The following CSTF3 variants were observed in gnomAD, a reference collection of about 807,000 sequenced individuals.
The protein encoded by CSTF3 is cleavage stimulation factor subunit 3, also known as CF-1 77 kDa subunit.
Under a neutral mutation model 105.8 loss-of-function variants are expected in CSTF3, and 29 were observed. The observed-to-expected ratio is 0.27, with a 90% CI of 0.20 to 0.37. CSTF3 has a LOEUF of 0.37. CSTF3 is among the 10% of genes least tolerant of loss of function. The probability of loss-of-function intolerance (pLI) is 1.00; values close to 1 mark genes in which losing one functional copy is unlikely to be tolerated. For synonymous variants in CSTF3, 252 were observed against 281.9 expected, an observed-to-expected ratio of 0.89 and a Z score of 1.06; for missense variants, 357 against 879.3, an observed-to-expected ratio of 0.41 and a Z score of 7.51.
At chr11:33,116,920 C>CTT (rs992534370) in intron 3 of CSTF3, among the ~76,000 whole-genome samples, 1 of 141,710 alleles carries the variant, frequency 7.1e-6, no homozygotes, top group Admixed American at 7.0e-5. Context: ...GAACAACAGA[C>CTT]TTTTTTTTTT....
intron 1 of CSTF3, among the ~76,000 whole-genome samples, chr11:33,150,470 A>T (rs1268682628): frequency 6.6e-6 from 1 of 152,206 alleles, no homozygotes; most frequent in African/African-American, 2.4e-5. Context: ...AGTAGAGCAA[A>T]AACTGGACTA....
intron 1 of CSTF3, among the ~76,000 whole-genome samples, chr11:33,159,218 G>A (rs755032145): frequency 1.3e-5 from 2 of 152,060 alleles, no homozygotes; most frequent in Non-Finnish European, 2.9e-5. Context: ...AACACTTGGG[G>A]ACACTGAGGT....
Position 33,096,817 on chromosome 11 carries a change from T to G in CSTF3, c.1272+18A>C, listed in dbSNP as rs1855227527. ...GAAGGAAGTTGTTTTATCTTTACAC[T>G]TGTATTTCAGTATTTACCTTACTAC... On this transcript the variant is annotated intron_variant, in intron 14 of 20. Coordinates refer to ENST00000323959, the MANE Select transcript of CSTF3 (RefSeq NM_001326.3). The G allele has an allele frequency of 6.3e-7, 1 of 1,593,482 alleles. No homozygotes were observed.
intron 3 of CSTF3, among the ~76,000 whole-genome samples, chr11:33,119,321 G>A (rs1289690366): frequency 1.3e-5 from 2 of 151,756 alleles, no homozygotes; most frequent in Non-Finnish European, 3.0e-5. Flanking sequence ...AATTTTCAGT[G>A]TCATCCAATG....
chr11:33,100,129 G>A (rs1307701211), intron 10 of CSTF3, among the ~76,000 whole-genome samples: 1 of 152,072 alleles, frequency 6.6e-6, no homozygotes, highest in South Asian at 2.1e-4. Context: ...GGCCAAGGCA[G>A]GCGGATCATA....
intron 1 of CSTF3, among the ~76,000 whole-genome samples, chr11:33,160,566 C>G (rs1348316867): frequency 6.6e-6 from 1 of 152,124 alleles, no homozygotes; most frequent in Admixed American, 6.5e-5. Context: ...TACTATCCTA[C>G]AAAATTCTGA....
At chr11:33,159,595 CAAAAAAAAAAAAAA>C (rs71034656) in intron 1 of CSTF3, among the ~76,000 whole-genome samples, 12 of 37,958 alleles carry the variant, frequency 3.2e-4, no homozygotes, top group Non-Finnish European at 4.4e-5. Flanking sequence ...GGCTCCATCT[CAAAAAAAAAAAAAA>C]AAAAAAAAAA....
intron 3 of CSTF3, among the ~76,000 whole-genome samples, chr11:33,126,336 A>T (rs1449197804): frequency 6.6e-6 from 1 of 151,372 alleles, no homozygotes. Flanking sequence ...TTGGCTACTC[A>T]GGAGGCTGAA....
chr11:33,095,707 G>T (rs1855214075), intron 15 of CSTF3, among the ~76,000 whole-genome samples: 2 of 151,304 alleles, frequency 1.3e-5, no homozygotes, highest in Admixed American at 6.6e-5. Context: ...TGTAGTCCCA[G>T]CTACTCCGGA....
At chr11:33,118,836 T>C (rs930195003) in intron 3 of CSTF3, among the ~76,000 whole-genome samples, 12 of 151,746 alleles carry the variant, frequency 7.9e-5, no homozygotes, top group Admixed American at 6.6e-5. Flanking sequence ...CCCTCAAACG[T>C]CTAATATTAG....
At chr11:33,154,588 C>G (rs1376371192) in intron 1 of CSTF3, among the ~76,000 whole-genome samples, 1 of 148,474 alleles carries the variant, frequency 6.7e-6, no homozygotes, top group East Asian at 2.0e-4. Context: ...CCTCCGACTC[C>G]CGGGTTCAAG....
chr11:33,103,391 T>C (rs1855297848), intron 8 of CSTF3, among the ~76,000 whole-genome samples: 1 of 152,188 alleles, frequency 6.6e-6, no homozygotes, highest in Non-Finnish European at 1.5e-5. Flanking sequence ...TGTGCTTATG[T>C]CTTATGAGCT....
chr11:33,154,845 A>G (rs953686113), intron 1 of CSTF3, among the ~76,000 whole-genome samples: 2 of 152,064 alleles, frequency 1.3e-5, no homozygotes, highest in Non-Finnish European at 2.9e-5. Flanking sequence ...TCATATGCCC[A>G]GATAATAAAG....
intron 3 of CSTF3, among the ~76,000 whole-genome samples, chr11:33,127,188 CATT>C (rs1855552266): frequency 1.3e-5 from 2 of 152,156 alleles, no homozygotes; most frequent in Admixed American, 1.3e-4. Flanking sequence ...ATCATGCAGA[CATT>C]ATGCACAAAT....
intron 3 of CSTF3, among the ~76,000 whole-genome samples, chr11:33,114,533 T>C (rs959788039): frequency 3.9e-5 from 6 of 152,134 alleles, no homozygotes; most frequent in Admixed American, 1.3e-4. Context: ...AGAATCATTA[T>C]ACAATTAACT....
intron 16 of CSTF3, 104 bp from the exon 17 acceptor site, chr11:33,090,831 A>G: frequency 1.5e-6 from 1 of 648,610 alleles, no homozygotes; most frequent in Non-Finnish European, 2.4e-6. Flanking sequence ...CTTAACTTAT[A>G]AAAAGTGACT....
chr11:33,097,625 C>A (rs983733133), intron 13 of CSTF3, among the ~76,000 whole-genome samples: 1 of 152,200 alleles, frequency 6.6e-6, no homozygotes, highest in Admixed American at 6.5e-5. Context: ...CCTCGACCTC[C>A]CAAAGTGCTG....
At chr11:33,098,264 T>G (rs555351493) in intron 13 of CSTF3, among the ~76,000 whole-genome samples, 1 of 152,292 alleles carries the variant, frequency 6.6e-6, no homozygotes, top group African/African-American at 2.4e-5. Flanking sequence ...TTCAGTCTAA[T>G]TTCTTCCCAG....
chr11:33,150,443 G>C (rs896343237), intron 1 of CSTF3, among the ~76,000 whole-genome samples: 3 of 151,968 alleles, frequency 2.0e-5, no homozygotes, highest in African/African-American at 7.3e-5. Context: ...GAACAGGCAG[G>C]GACCCCAAAT....
Sources: gnomAD v4.1 joint callset for allele counts (sites outside exome capture counted in the v4.1 genomes callset) on GRCh38, gnomAD v4.1.1 for gene constraint, MANE v1.5 for transcripts, NCBI Gene and HGNC (gene_info 2026-07-23, HGNC 2026-07-21) for gene names.